The following SPATS2 variants were observed in gnomAD, a reference collection of about 807,000 sequenced individuals.
SPATS2 encodes the protein spermatogenesis associated serine rich 2.
SPATS2 carries 38 observed loss-of-function variants against 63.7 expected under a neutral mutation model. That is an observed-to-expected ratio of 0.60 (90% CI 0.46 to 0.78). The LOEUF (loss-of-function observed/expected upper bound fraction) is 0.78, where lower values mean the gene tolerates loss of function less well. Ranked by LOEUF, SPATS2 falls within the 30% of genes least tolerant of loss-of-function variation. The pLI is 0.00. For synonymous variants in SPATS2, 207 were observed against 232.9 expected, an observed-to-expected ratio of 0.89 and a Z score of 1.01; for missense variants, 588 against 666.2, an observed-to-expected ratio of 0.88 and a Z score of 1.29.
At chr12:49,386,069 A>G (rs1407501621) in intron 2 of SPATS2, among the ~76,000 whole-genome samples, 2 of 150,878 alleles carry the variant, frequency 1.3e-5, no homozygotes, top group African/African-American at 2.4e-5. Context: ...GGGTTTCACC[A>G]TGTTGGCCAG....
At chr12:49,462,664 A>G in intron 3 of SPATS2, 1 of 577,922 alleles carries the variant, frequency 1.7e-6, no homozygotes, top group Non-Finnish European at 3.1e-6. Context: ...ATTGCTGATG[A>G]AAGTGGCTTT....
intron 2 of SPATS2, among the ~76,000 whole-genome samples, chr12:49,450,507 G>C (rs1330540152): frequency 1.3e-5 from 2 of 151,954 alleles, no homozygotes; most frequent in Non-Finnish European, 2.9e-5. Context: ...GCCTCCCAAA[G>C]TGCTGGGATT....
chr12:49,491,909 A>G (rs1476036031), intron 6 of SPATS2, among the ~76,000 whole-genome samples: 3 of 152,238 alleles, frequency 2.0e-5, no homozygotes, highest in African/African-American at 7.2e-5. Flanking sequence ...ATTTTAATCA[A>G]GTATCTCTGT....
At chr12:49,480,393 T>G (rs2137809212) in intron 3 of SPATS2, among the ~76,000 whole-genome samples, 1 of 152,350 alleles carries the variant, frequency 6.6e-6, no homozygotes, top group South Asian at 2.1e-4. Flanking sequence ...CATAATAATG[T>G]TATTGTGGAG....
chr12:49,494,786 A>T lies in SPATS2; in HGVS notation c.310A>T (p.Asn104Tyr). 1.2e-6 allele frequency: 2 copies of T among 1,610,658 alleles called. No homozygotes were observed. The highest frequency in any genetic ancestry group is 2.2e-5 in the South Asian group (2 of 90,396). ...ACCGAAACCTGCCGCAGAACCAAGT[A>T]ACGGCATCCCAGATTCCAGTAAATC... ...NKPKPAAEPS[N>Y]GIPDSSKSVS... Residue 104 changes from asparagine to tyrosine, a missense_variant, in exon 7 of 14, where the codon AAC becomes TAC. Transcript: ENST00000552918.
At chr12:49,513,868 G>C (rs1300641269) in intron 9 of SPATS2, among the ~76,000 whole-genome samples, 1 of 152,066 alleles carries the variant, frequency 6.6e-6, no homozygotes, top group Non-Finnish European at 1.5e-5. Flanking sequence ...TAAAAAGTAT[G>C]AGTACAGGCC....
At chr12:49,385,357 A>AGTGTGTGTGTGTGTGTGTGTGTGT (rs57896651) in intron 2 of SPATS2, among the ~76,000 whole-genome samples, 5 of 141,984 alleles carry the variant, frequency 3.5e-5, no homozygotes, top group Non-Finnish European at 7.7e-5. Context: ...TAAGTATATA[A>AGTGTGTGTGTGTGTGTGTGTGTGT]GTGTGTGTGT....
At chr12:49,491,492 A>T (rs1303861972) in intron 6 of SPATS2, among the ~76,000 whole-genome samples, 2 of 152,000 alleles carry the variant, frequency 1.3e-5, no homozygotes, top group Non-Finnish European at 2.9e-5. Flanking sequence ...AGGTGGGAGG[A>T]TCACTTGCGC....
chr12:49,498,694 G>A (rs1334676997), intron 8 of SPATS2, among the ~76,000 whole-genome samples: 1 of 150,432 alleles, frequency 6.6e-6, no homozygotes, highest in East Asian at 1.9e-4. Flanking sequence ...TGTTTTATTT[G>A]TCTCTAGAAG....
chr12:49,465,176 G>C (rs1945890596), intron 3 of SPATS2, among the ~76,000 whole-genome samples: 1 of 152,130 alleles, frequency 6.6e-6, no homozygotes, highest in African/African-American at 2.4e-5. Context: ...ATGTACATTT[G>C]CTTACAAGTC....
rs555335541 is a variant in SPATS2 at position 49,414,760 on chromosome 12, G to A, written c.-244+43470G>A. Among the ~76,000 whole-genome samples, 24 of 151,912 alleles carry A rather than the reference G, an allele frequency of 1.6e-4. No individual in the cohort carries two copies. In the South Asian group the frequency reaches 5.0e-3, roughly 32 times the overall value. ...CAGGACTATAGGCAGGCACATGCCT[G>A]GCTAATTTTTAAATTTTTGGTAGAG... On this transcript the variant is annotated intron_variant, in intron 2 of 13. Coordinates refer to ENST00000552918, the MANE Select transcript of SPATS2 (RefSeq NM_023071.4).
At chr12:49,467,955 G>A (rs1317336040) in intron 3 of SPATS2, among the ~76,000 whole-genome samples, 2 of 151,634 alleles carry the variant, frequency 1.3e-5, no homozygotes, top group Admixed American at 6.6e-5. Flanking sequence ...GGATGGTCTC[G>A]ATCTCCTGAC....
chr12:49,377,938 A>T (rs1259549118), intron 2 of SPATS2, among the ~76,000 whole-genome samples: 1 of 152,098 alleles, frequency 6.6e-6, no homozygotes, highest in Non-Finnish European at 1.5e-5. Context: ...TAATCCTACT[A>T]TAGAGTTGTC....
rs111803483 is a variant in SPATS2 at position 49,369,960 on chromosome 12, A to G, written c.-306-1268A>G. On this transcript the variant is annotated intron_variant, in intron 1 of 13. Coordinates refer to ENST00000552918, the MANE Select transcript of SPATS2 (RefSeq NM_023071.4). ...TAAATATAGATAGGATCCTTTTAGA[A>G]ACCAGGAGTGAAACAACTAGAACTG... is the stretch of plus-strand genomic sequence containing the variant. 7.6e-3 allele frequency among the ~76,000 whole-genome samples: 1,163 copies of G among 152,262 alleles called. 10 individuals carry two copies. Among genetic ancestry groups the G allele is most frequent in the African/African-American group, 0.026 (1,095 of 41,536 alleles).
rs558447807 is a variant in SPATS2 at position 49,433,399 on chromosome 12, G to A, written c.-243-27371G>A. Among the ~76,000 whole-genome samples, 5 of 152,348 alleles carry A rather than the reference G, an allele frequency of 3.3e-5. No individual in the cohort carries two copies. In the East Asian group the frequency reaches 7.7e-4, roughly 23 times the overall value. On this transcript the variant is annotated intron_variant, in intron 2 of 13. Transcript: ENST00000552918. The stretch of plus-strand genomic sequence containing the variant: ...GCTGGTCTCGAACTCCTGACCTCAA[G>A]TGATCTGCCGACCTCGGCCTCCCAA...
At chr12:49,445,683 A>G (rs1945498164) in intron 2 of SPATS2, among the ~76,000 whole-genome samples, 1 of 151,582 alleles carries the variant, frequency 6.6e-6, no homozygotes, top group Non-Finnish European at 1.5e-5. Context: ...ACACCTGGCT[A>G]ATTTTTAAAA....
chr12:49,439,059 T>C (rs1171360894), intron 2 of SPATS2, among the ~76,000 whole-genome samples: 1 of 152,170 alleles, frequency 6.6e-6, no homozygotes, highest in Non-Finnish European at 1.5e-5. Flanking sequence ...CAGGGGCTGC[T>C]GTATGTAGGA....
At chr12:49,433,665 G>A (rs117310772) in intron 2 of SPATS2, among the ~76,000 whole-genome samples, 1,793 of 152,226 alleles carry the variant, frequency 0.012, 24 homozygotes, top group Middle Eastern at 0.031. Flanking sequence ...TTGTGGATTT[G>A]CAGGAGTTCT....
intron 2 of SPATS2, among the ~76,000 whole-genome samples, chr12:49,437,211 C>T (rs1295508748): frequency 1.3e-5 from 2 of 151,264 alleles, no homozygotes; most frequent in South Asian, 2.1e-4. Flanking sequence ...CGGGCAGAGA[C>T]GCTCCTCACA....
Sources: gnomAD v4.1 joint callset for allele counts (sites outside exome capture counted in the v4.1 genomes callset) on GRCh38, gnomAD v4.1.1 for gene constraint, MANE v1.5 for transcripts, NCBI Gene and HGNC (gene_info 2026-07-23, HGNC 2026-07-21) for gene names.